SLC26A5: variants seen among roughly 807,000 people sequenced by gnomAD.
SLC26A5 encodes solute carrier family 26 member 5.
SLC26A5 carries 51 observed loss-of-function variants against 81.0 expected under a neutral mutation model. The observed-to-expected ratio is 0.63, with a 90% CI of 0.50 to 0.80. SLC26A5 has a LOEUF of 0.80. Among genes scored for constraint, SLC26A5 ranks in the 30% least tolerant of loss-of-function variants. The pLI, the probability that SLC26A5 is intolerant of heterozygous loss-of-function variation, is 0.00. For missense variants in SLC26A5, 771 were observed against 905.8 expected, an observed-to-expected ratio of 0.85 and a Z score of 1.91; for synonymous variants, 325 against 332.8, an observed-to-expected ratio of 0.98 and a Z score of 0.25.
chr7:103,421,346 G>A lies in SLC26A5; in HGVS notation c.152+17C>T. 1 of 1,613,818 alleles carries A rather than the reference G, an allele frequency of 6.2e-7. No homozygotes were observed. Among genetic ancestry groups the A allele is most frequent in the Non-Finnish European group, 8.5e-7 (1 of 1,179,824 alleles). ...CTGAATGATACAATAACAGAAACAG[G>A]TTAAAAGGCAACGTACGTGAATGCC... On this transcript the variant is annotated intron_variant, in intron 3 of 19. Coordinates refer to ENST00000306312, the MANE Select transcript of SLC26A5 (RefSeq NM_198999.3).
In SLC26A5 at chr7:103,439,780, C is replaced by T. The variant is rs181034260; in HGVS notation, c.-54+3303G>A. Among the ~76,000 whole-genome samples, 327 of 152,268 alleles carry T rather than the reference C, an allele frequency of 2.1e-3. 3 individuals are homozygous for T. Among genetic ancestry groups the T allele is most frequent in the Non-Finnish European group, 3.7e-3 (252 of 68,020 alleles). On this transcript the variant is annotated intron_variant, in intron 2 of 19. Transcript: ENST00000306312. ...GACTCCTGGCCTCAAGCGATCTGCC[C>T]GCTTTGGCCTCCCAAAAGTGCTTGG...
intron 14 of SLC26A5, among the ~76,000 whole-genome samples, chr7:103,386,874 G>T (rs1371350534): frequency 6.6e-6 from 1 of 151,748 alleles, no homozygotes; most frequent in Non-Finnish European, 1.5e-5. Flanking sequence ...GCAATTTTCT[G>T]CCTCACCCTC....
At chr7:103,365,073 G>C (rs4478507) in intron 19 of SLC26A5, among the ~76,000 whole-genome samples, 2 of 150,598 alleles carry the variant, frequency 1.3e-5, no homozygotes, top group Admixed American at 6.6e-5. Flanking sequence ...ACGGAGCTGC[G>C]TGAGTTGAGG....
intron 19 of SLC26A5, among the ~76,000 whole-genome samples, chr7:103,354,508 A>T (rs1251940263): frequency 6.6e-6 from 1 of 151,514 alleles, no homozygotes; most frequent in Non-Finnish European, 1.5e-5. Flanking sequence ...AGCTGGGATT[A>T]TGAGCGCCCA....
chr7:103,421,677 C>A (rs1019365663), intron 2 of SLC26A5, 110 bp from the exon 3 acceptor site: 9 of 717,974 alleles, frequency 1.3e-5, no homozygotes, highest in South Asian at 1.1e-4. Flanking sequence ...TTTCTTTGGA[C>A]GCCCCAGAGG....
At chr7:103,400,701 C>T (rs1271240008) in intron 8 of SLC26A5, among the ~76,000 whole-genome samples, 1 of 152,062 alleles carries the variant, frequency 6.6e-6, no homozygotes, top group Non-Finnish European at 1.5e-5. Flanking sequence ...CGGTTTTAGG[C>T]CTTAACATTT....
chr7:103,431,682 T>C (rs1422060272), intron 2 of SLC26A5, among the ~76,000 whole-genome samples: 3 of 152,180 alleles, frequency 2.0e-5, no homozygotes, highest in Admixed American at 2.0e-4. Context: ...TATTATTAAC[T>C]CTAAATCAGC....
chr7:103,365,584 G>A (rs1354416724), intron 19 of SLC26A5, among the ~76,000 whole-genome samples: 1 of 152,068 alleles, frequency 6.6e-6, no homozygotes, highest in African/African-American at 2.4e-5. Context: ...AGCCAAGATC[G>A]TGCCATTGCA....
chr7:103,384,575 C>T (rs1822040494), intron 14 of SLC26A5, among the ~76,000 whole-genome samples: 1 of 151,962 alleles, frequency 6.6e-6, no homozygotes, highest in Non-Finnish European at 1.5e-5. Context: ...TGAGATCATG[C>T]CACTGCACTC....
chr7:103,418,182 C>T (rs1825072397), intron 4 of SLC26A5, among the ~76,000 whole-genome samples: 2 of 152,170 alleles, frequency 1.3e-5, no homozygotes, highest in Admixed American at 1.3e-4. Flanking sequence ...TGTTGACACA[C>T]CCTCCTCCTT....
At chr7:103,432,699 G>C (rs188753562) in intron 2 of SLC26A5, among the ~76,000 whole-genome samples, 1 of 151,830 alleles carries the variant, frequency 6.6e-6, no homozygotes, top group Admixed American at 6.6e-5. Flanking sequence ...TCTTCTGCTT[G>C]TTCTGTTTGC....
chr7:103,377,542 T>C, intron 18 of SLC26A5, 57 bp downstream of exon 18: 2 of 1,486,302 alleles, frequency 1.3e-6, no homozygotes, highest in South Asian at 2.3e-5. Context: ...CTGATTATGC[T>C]GATAGTACGA....
chr7:103,369,572 T>C (rs1820909630), downstream of SLC26A5, among the ~76,000 whole-genome samples: 1 of 152,238 alleles, frequency 6.6e-6, no homozygotes, highest in Non-Finnish European at 1.5e-5. Context: ...TCAACTACTT[T>C]AAAAATTTGG....
At chr7:103,432,768 G>C (rs373354730) in intron 2 of SLC26A5, among the ~76,000 whole-genome samples, 2 of 152,058 alleles carry the variant, frequency 1.3e-5, no homozygotes, top group African/African-American at 4.8e-5. Context: ...TTTAATTGTG[G>C]AAGGGGAGGA....
In SLC26A5 at chr7:103,388,854, T is replaced by G. The variant is rs953799458; in HGVS notation, c.1514+154A>C. The G allele has an allele frequency of 6.0e-6, 4 of 662,346 alleles. No homozygotes were observed. The African/African-American group carries it at 7.2e-5, about 12-fold the overall frequency. 41.0% of individuals were successfully genotyped at this position (662,346 alleles called of 1,614,324 possible). A position where few individuals can be genotyped will look rare whatever the true frequency, so the allele number is the denominator to read the frequency against. The stretch of plus-strand genomic sequence containing the variant: ...TTAAATTGGCATTTTGTTCATCTAG[T>G]CAACAGGCTACATGAGTGTTATAGC... On this transcript the variant is annotated intron_variant, in intron 14 of 19. Coordinates refer to ENST00000306312, the MANE Select transcript of SLC26A5 (RefSeq NM_198999.3).
chr7:103,416,756 T>C (rs1824943054), intron 4 of SLC26A5, among the ~76,000 whole-genome samples: 1 of 152,146 alleles, frequency 6.6e-6, no homozygotes, highest in East Asian at 1.9e-4. Flanking sequence ...TCTCTCATTT[T>C]CTTCCTCCTT....
At chr7:103,363,515 TA>T in intron 19 of SLC26A5, 1 of 1,277,412 alleles carries the variant, frequency 7.8e-7, no homozygotes, top group Non-Finnish European at 1.1e-6. Flanking sequence ...AAATTGCTTG[TA>T]TATTAGATGG....
intron 2 of SLC26A5, among the ~76,000 whole-genome samples, chr7:103,425,688 G>A (rs1232186064): frequency 6.6e-6 from 1 of 151,954 alleles, no homozygotes; most frequent in Non-Finnish European, 1.5e-5. Context: ...TTACTGAAAA[G>A]TACATGAAAT....
rs56305143 is a variant in SLC26A5, at chr7:103,411,334, G to A, written c.570+86C>T. 125,394 of 1,522,520 alleles carry A rather than the reference G, an allele frequency of 0.082. 5,660 individuals are homozygous for A. The highest frequency in any genetic ancestry group is 0.16 in the Admixed American group (9,195 of 57,176). The allele number at this position is 1,522,520 out of a possible 1,614,324, so 94.3% of individuals were successfully genotyped here. ...GTTTTTCTGGCTGACCCCATCCACC[G>A]TGTAGTAAGACCAGCCAAGAGCACT... On this transcript the variant is annotated intron_variant, in intron 6 of 19. Coordinates refer to ENST00000306312, the MANE Select transcript of SLC26A5 (RefSeq NM_198999.3).
Sources: gnomAD v4.1 joint callset for allele counts (sites outside exome capture counted in the v4.1 genomes callset) on GRCh38, gnomAD v4.1.1 for gene constraint, MANE v1.5 for transcripts, NCBI Gene and HGNC (gene_info 2026-07-23, HGNC 2026-07-21) for gene names.